The following MAP2K6 variants were observed in gnomAD, a reference collection of about 807,000 sequenced individuals.
MAP2K6 encodes mitogen-activated protein kinase kinase 6.
In MAP2K6, 16 loss-of-function variants were observed where a neutral mutation model predicts 53.7. The ratio of observed to expected loss-of-function variants is 0.30; its 90% CI spans 0.20 to 0.45. The LOEUF is 0.45. Ranked by LOEUF, MAP2K6 falls within the 20% of genes least tolerant of loss-of-function variation. The pLI, the probability that MAP2K6 is intolerant of heterozygous loss-of-function variation, is 1.00. For synonymous variants in MAP2K6, 132 were observed against 143.1 expected, an observed-to-expected ratio of 0.92 and a Z score of 0.55; for missense variants, 204 against 411.9, an observed-to-expected ratio of 0.50 and a Z score of 4.37.
At chr17:69,521,338 T>G (rs1455830116) in intron 7 of MAP2K6, 1 of 405,560 alleles carries the variant, frequency 2.5e-6, no homozygotes, top group Middle Eastern at 6.2e-4. Flanking sequence ...TATAAACACT[T>G]GTTAGCAAGC....
chr17:69,515,529 G>T (rs1380131129), intron 2 of MAP2K6, among the ~76,000 whole-genome samples: 1 of 152,198 alleles, frequency 6.6e-6, no homozygotes, highest in Non-Finnish European at 1.5e-5. Context: ...GCTCCTAGTT[G>T]TGTGCACAGC....
chr17:69,476,067 A>G (rs1048446479), intron 1 of MAP2K6, among the ~76,000 whole-genome samples: 2 of 152,192 alleles, frequency 1.3e-5, no homozygotes, highest in African/African-American at 4.8e-5. Context: ...GAATTGGCAT[A>G]TTGGTGTGAA....
chr17:69,492,500 G>A (rs373368727), intron 1 of MAP2K6, among the ~76,000 whole-genome samples: 3 of 152,038 alleles, frequency 2.0e-5, no homozygotes, highest in East Asian at 3.9e-4. Context: ...ATTCTGTCCC[G>A]TTAAAACACC....
At chr17:69,430,170 C>T (rs1318496564) in intron 1 of MAP2K6, among the ~76,000 whole-genome samples, 1 of 151,868 alleles carries the variant, frequency 6.6e-6, no homozygotes, top group African/African-American at 2.4e-5. Flanking sequence ...CTACTACAAA[C>T]ATATTAAAAA....
intron 1 of MAP2K6, among the ~76,000 whole-genome samples, chr17:69,448,552 C>T (rs1056868269): frequency 1.3e-5 from 2 of 152,018 alleles, no homozygotes; most frequent in Non-Finnish European, 2.9e-5. Flanking sequence ...CTCCCAGTTG[C>T]AGCCGGCCCT....
Position 69,452,137 on chromosome 17 carries a change from A to G in MAP2K6, c.16+37137A>G, listed in dbSNP as rs1907251660. Among the ~76,000 whole-genome samples, 3 of 151,816 alleles carry G rather than the reference A, an allele frequency of 2.0e-5. No individual in the cohort carries two copies. In the South Asian group the frequency reaches 6.2e-4, roughly 32 times the overall value. On this transcript the variant is annotated intron_variant, in intron 1 of 11. Transcript: ENST00000590474. The stretch of plus-strand genomic sequence containing the variant: ...CAACGGAGGGTGGGAGGTTACCCCT[A>G]GGGTACATTTACAACATCTGGAAGC...
chr17:69,451,354 CA>C (rs1907220150), intron 1 of MAP2K6, among the ~76,000 whole-genome samples: 1 of 152,182 alleles, frequency 6.6e-6, no homozygotes, highest in African/African-American at 2.4e-5. Flanking sequence ...CCCCACAAAC[CA>C]AAGAGCTGCT....
At chr17:69,540,675 G>A (rs767052193) in intron 11 of MAP2K6, among the ~76,000 whole-genome samples, 1 of 152,052 alleles carries the variant, frequency 6.6e-6, no homozygotes, top group African/African-American at 2.4e-5. Flanking sequence ...TGTTTTTAGA[G>A]TTTACTTGTT....
intron 1 of MAP2K6, among the ~76,000 whole-genome samples, chr17:69,484,770 A>G (rs1249378958): frequency 6.6e-6 from 1 of 152,184 alleles, no homozygotes; most frequent in Admixed American, 6.5e-5. Context: ...GATACAAGCT[A>G]CAACACAGAT....
In MAP2K6 at chr17:69,552,288, C is replaced by G. The variant is rs775105689; in HGVS notation, c.*10535C>G. ...TACCTGAAATATTCTGAAAGGATAT[C>G]GGAGAGGTCCTATGCACCCCTGTCT... On this transcript the variant is annotated 3_prime_UTR_variant, in exon 12 of 12. Coordinates refer to ENST00000590474, the MANE Select transcript of MAP2K6 (RefSeq NM_002758.4). 1 of 152,170 alleles carries G rather than the reference C, an allele frequency of 6.6e-6. No individual in the cohort carries two copies. Among genetic ancestry groups the G allele is most frequent in the Non-Finnish European group, 1.5e-5 (1 of 68,042 alleles). The allele number at this position is 152,170 out of a possible 1,614,324, so 9.4% of individuals were successfully genotyped here.
At chr17:69,497,578 T>A (rs1229338996) in intron 1 of MAP2K6, among the ~76,000 whole-genome samples, 3 of 151,980 alleles carry the variant, frequency 2.0e-5, no homozygotes, top group Non-Finnish European at 4.4e-5. Context: ...CTGAAAAACA[T>A]ACATGACTTC....
chr17:69,517,749 A>G (rs534663680), intron 4 of MAP2K6, 136 bp downstream of exon 4: 11 of 475,360 alleles, frequency 2.3e-5, no homozygotes, highest in African/African-American at 2.0e-4. Context: ...TGCAGGGAAC[A>G]GTATTTTCCT....
intron 1 of MAP2K6, among the ~76,000 whole-genome samples, chr17:69,440,430 C>T (rs1906780274): frequency 6.6e-6 from 1 of 152,190 alleles, no homozygotes; most frequent in Non-Finnish European, 1.5e-5. Flanking sequence ...TAACTCATCT[C>T]CTCTTGTGAC....
At chr17:69,509,870 C>T (rs923792974) in intron 2 of MAP2K6, among the ~76,000 whole-genome samples, 2 of 151,990 alleles carry the variant, frequency 1.3e-5, no homozygotes, top group Non-Finnish European at 2.9e-5. Context: ...GAGACAGGGT[C>T]TCACTCTGTC....
At chr17:69,426,761 T>C (rs1441228387) in intron 1 of MAP2K6, among the ~76,000 whole-genome samples, 1 of 147,406 alleles carries the variant, frequency 6.8e-6, no homozygotes, top group African/African-American at 2.5e-5. Flanking sequence ...AGTGGCACAA[T>C]AGAACAATAA....
chr17:69,436,599 G>A (rs917257986), intron 1 of MAP2K6, among the ~76,000 whole-genome samples: 1 of 152,058 alleles, frequency 6.6e-6, no homozygotes, highest in African/African-American at 2.4e-5. Flanking sequence ...CTTATAAAGT[G>A]GACTAAGTTG....
rs573372347 is a variant in MAP2K6 at position 69,449,686 on chromosome 17, C to T, written c.16+34686C>T. ...AGAGTGCAGTGGCGCGATCTCGGCT[C>T]ACTGCAGGCTCCGCCCCCTGGGGTT... On this transcript the variant is annotated intron_variant, in intron 1 of 11. Transcript: ENST00000590474. Among the ~76,000 whole-genome samples the T allele has an allele frequency of 8.7e-5, 12 of 137,852 alleles. No homozygotes were observed. The East Asian group carries it at 2.6e-3, about 30-fold the overall frequency. 90.4% of individuals were successfully genotyped at this position (137,852 alleles called of 152,430 possible).
intron 1 of MAP2K6, among the ~76,000 whole-genome samples, chr17:69,501,232 C>G (rs1157310738): frequency 6.6e-6 from 1 of 152,200 alleles, no homozygotes; most frequent in Non-Finnish European, 1.5e-5. Flanking sequence ...AGTCGTGCCC[C>G]CAACCCTCGG....
At chr17:69,511,222 A>G (rs1290637834) in intron 2 of MAP2K6, among the ~76,000 whole-genome samples, 1 of 152,238 alleles carries the variant, frequency 6.6e-6, no homozygotes, top group South Asian at 2.1e-4. Flanking sequence ...TGTGTGAAGC[A>G]AAAAGTATCA....
Sources: allele counts gnomAD v4.1 joint callset (sites outside exome capture counted in the v4.1 genomes callset), GRCh38; gene constraint gnomAD v4.1.1; transcripts MANE v1.5; gene names NCBI Gene and HGNC (gene_info 2026-07-23, HGNC 2026-07-21).